The following TRIM9 variants were observed in gnomAD, a reference collection of about 807,000 sequenced individuals.
TRIM9 encodes the protein E3 ubiquitin-protein ligase TRIM9.
A neutral mutation model predicts 78.3 loss-of-function variants in TRIM9; 26 were observed. The ratio of observed to expected loss-of-function variants is 0.33; its 90% CI spans 0.24 to 0.46. TRIM9 has a LOEUF of 0.46. TRIM9 is among the 20% of genes least tolerant of loss of function. The pLI, the probability that TRIM9 is intolerant of heterozygous loss-of-function variation, is 1.00. For missense variants in TRIM9, 787 were observed against 1,036.4 expected (o/e 0.76, Z 3.30); for synonymous variants, 398 against 416.5 (o/e 0.96, Z 0.54).
At chr14:51,086,183 C>T (rs543855908) in intron 1 of TRIM9, among the ~76,000 whole-genome samples, 2 of 152,136 alleles carry the variant, frequency 1.3e-5, no homozygotes, top group Non-Finnish European at 2.9e-5. Flanking sequence ...GCTTCCTGGG[C>T]TTATCAGAAA....
chr14:51,040,995 G>T (rs2059540469), intron 1 of TRIM9, among the ~76,000 whole-genome samples: 1 of 152,168 alleles, frequency 6.6e-6, no homozygotes, highest in Non-Finnish European at 1.5e-5. Flanking sequence ...GGCTTATTAG[G>T]ATTCAGTACT....
At chr14:51,083,839 A>C (rs1404075955) in intron 1 of TRIM9, among the ~76,000 whole-genome samples, 2 of 152,214 alleles carry the variant, frequency 1.3e-5, no homozygotes, top group Admixed American at 1.3e-4. Flanking sequence ...TTTAACCAAA[A>C]TAGTATTTAG....
intron 1 of TRIM9, among the ~76,000 whole-genome samples, chr14:51,044,429 T>C (rs538317912): frequency 6.1e-4 from 93 of 152,292 alleles, no homozygotes; most frequent in Admixed American, 2.2e-3. Context: ...CACTGAGATG[T>C]AGATGATGTT....
chr14:50,998,292 C>T, intron 6 of TRIM9, 104 bp from the exon 7 acceptor site: 1 of 1,113,776 alleles, frequency 9.0e-7, no homozygotes, highest in Non-Finnish European at 1.3e-6. Context: ...TGGTGTCATT[C>T]TAATCTGGAT....
intron 2 of TRIM9, 23 bp downstream of exon 2, chr14:51,025,242 T>A: frequency 6.2e-7 from 1 of 1,607,764 alleles, no homozygotes. Flanking sequence ...CGGGTTTCCT[T>A]GCGTCCCAGG....
chr14:50,977,451 G>T, intron 12 of TRIM9, 98 bp from the exon 13 acceptor site: 1 of 944,984 alleles, frequency 1.1e-6, no homozygotes, highest in Non-Finnish European at 1.4e-6. Flanking sequence ...AAAGTGTTCT[G>T]TTTGCTTCGC....
At chr14:51,041,821 G>A (rs897265932) in intron 1 of TRIM9, among the ~76,000 whole-genome samples, 1 of 152,138 alleles carries the variant, frequency 6.6e-6, no homozygotes, top group African/African-American at 2.4e-5. Context: ...TTCAAATAAT[G>A]TTTAATAAAC....
At position 51,010,470 on chromosome 14, in the gene TRIM9, A is replaced by G. The variant is rs1240543403; in HGVS notation, c.1066T>C (p.Cys356Arg). The change falls in exon 4 of 13, where the codon TGC becomes CGC. Residue 356 changes from cysteine to arginine, a missense_variant. Physicochemically the swap from Cys to Arg is radical, Grantham distance 180 (BLOSUM62 -3). Coordinates refer to ENST00000684578, the MANE Select transcript of TRIM9 (RefSeq NM_001387360.1). Reference protein sequence around the residue: ...LKVVRDQISHCTVKLRQTTGL... With the variant: ...LKVVRDQISHRTVKLRQTTGL... Reference sequence around the variant, plus strand: ...GTGGTCTGGCGCAATTTCACTGTGCAGTGAGAGATCTGATCTCGAACCACC... The same window carrying G: ...GTGGTCTGGCGCAATTTCACTGTGCGGTGAGAGATCTGATCTCGAACCACC... The G allele has an allele frequency of 2.5e-6, 4 of 1,613,626 alleles. No homozygotes were observed. The highest frequency in any genetic ancestry group is 3.4e-6 in the Non-Finnish European group (4 of 1,179,862).
chr14:51,078,368 A>G (rs1365740969), intron 1 of TRIM9, among the ~76,000 whole-genome samples: 1 of 152,246 alleles, frequency 6.6e-6, no homozygotes, highest in Non-Finnish European at 1.5e-5. Context: ...CTTTTCAGAT[A>G]TATGAATTAA....
chr14:51,028,354 T>C (rs1188415482), intron 1 of TRIM9, among the ~76,000 whole-genome samples: 2 of 152,226 alleles, frequency 1.3e-5, no homozygotes, highest in Non-Finnish European at 2.9e-5. Flanking sequence ...AAACTATCAC[T>C]AGAAAGTGCT....
intron 11 of TRIM9, 23 bp from the exon 12 acceptor site, chr14:50,979,572 G>T (rs11844823): frequency 0.13 from 215,453 of 1,603,946 alleles, 16,713 homozygotes; most frequent in East Asian, 0.32. Flanking sequence ...AGAAAAATTG[G>T]GGTTCATTTC....
chr14:50,986,062 G>A lies in TRIM9; in HGVS notation c.1686C>T (p.Ser562=), dbSNP rs889577009. Reference sequence around the variant, plus strand: ...GGAAGCTGGGTTGTAGATTAAGGGTGGAGGAGAAAGGACTCATTCTACGGA... The same window carrying A: ...GGAAGCTGGGTTGTAGATTAAGGGTAGAGGAGAAAGGACTCATTCTACGGA... ...LPLRRMSPFS[S]TLNLQPSFPG... Residue 562 remains serine, a synonymous_variant, in exon 8 of 13, where the codon TCC becomes TCT. Transcript: ENST00000684578. 1 of 1,549,852 alleles carries A rather than the reference G, an allele frequency of 6.5e-7. No homozygotes were observed. Among genetic ancestry groups the A allele is most frequent in the Non-Finnish European group, 8.7e-7 (1 of 1,146,552 alleles).
chr14:51,013,162 A>G (rs1953881), intron 3 of TRIM9, among the ~76,000 whole-genome samples: 52,501 of 151,094 alleles, frequency 0.35, 9,649 homozygotes, highest in South Asian at 0.58. Flanking sequence ...TAGGTTTTGT[A>G]TTTAGTTCTT....
At chr14:51,042,946 A>G (rs1239638900) in intron 1 of TRIM9, among the ~76,000 whole-genome samples, 1 of 152,224 alleles carries the variant, frequency 6.6e-6, no homozygotes, top group Non-Finnish European at 1.5e-5. Flanking sequence ...ATACATATAC[A>G]TACATGTCTC....
intron 1 of TRIM9, among the ~76,000 whole-genome samples, chr14:51,066,873 G>T (rs2061788768): frequency 2.0e-5 from 3 of 152,180 alleles, no homozygotes; most frequent in Non-Finnish European, 4.4e-5. Flanking sequence ...CTGAGACTTA[G>T]CTATTTATTA....
chr14:51,040,539 G>A (rs1362837522), intron 1 of TRIM9, among the ~76,000 whole-genome samples: 2 of 152,222 alleles, frequency 1.3e-5, no homozygotes, highest in African/African-American at 4.8e-5. Flanking sequence ...GCCCTGGAGT[G>A]AGGGATTGGA....
Position 51,076,953 on chromosome 14 carries a change from G to T in TRIM9, c.822+17165C>A, listed in dbSNP as rs548315716. On this transcript the variant is annotated intron_variant, in intron 1 of 12. Transcript: ENST00000684578. ...TGCCATTTGGGCAGTCCCCACTATG[G>T]TTTTATTAGGAGAAGACCTCTTCAG... Among the ~76,000 whole-genome samples the T allele has an allele frequency of 7.2e-5, 11 of 152,302 alleles. No individual in the cohort carries two copies. The Middle Eastern group carries it at 0.01, about 141-fold the overall frequency.
rs1398692770 is a variant in TRIM9, at chr14:50,986,095, T to C, written c.1653A>G (p.Arg551=). Residue 551 remains arginine (R), a synonymous_variant, in exon 8 of 13, where the codon AGA becomes AGG. Coordinates refer to ENST00000684578, the MANE Select transcript of TRIM9 (RefSeq NM_001387360.1). ...QTLPFPVPSE[R]LPLRRMSPFS... is the part of the protein sequence containing the mutation. ...AAGGACTCATTCTACGGAGCGGCAATCTTTCCGAAGGCACTGGAAAAGGGA... is the reference window on the plus strand; with the variant it reads ...AAGGACTCATTCTACGGAGCGGCAACCTTTCCGAAGGCACTGGAAAAGGGA... 1 of 1,546,424 alleles carries C rather than the reference T, an allele frequency of 6.5e-7. No homozygotes were observed. Among genetic ancestry groups the C allele is most frequent in the South Asian group, 1.2e-5 (1 of 83,384 alleles).
chr14:51,010,301 G>C, intron 4 of TRIM9, 83 bp downstream of exon 4: 9 of 1,075,384 alleles, frequency 8.4e-6, no homozygotes, highest in Non-Finnish European at 1.1e-5. Flanking sequence ...CCCACCCAGG[G>C]CTGTTGGAAG....
Sources: gnomAD v4.1 joint callset for allele counts (sites outside exome capture counted in the v4.1 genomes callset) on GRCh38, gnomAD v4.1.1 for gene constraint, MANE v1.5 for transcripts, NCBI Gene and HGNC (gene_info 2026-07-23, HGNC 2026-07-21) for gene names.